The following ACADL variants were observed in gnomAD, a reference collection of about 807,000 sequenced individuals.
ACADL encodes the protein acyl-CoA dehydrogenase long chain, also known as long-chain specific acyl-CoA dehydrogenase, mitochondrial.
Under a neutral mutation model 56.9 loss-of-function variants are expected in ACADL, and 60 were observed. The observed-to-expected ratio is 1.05, with a 90% CI of 0.86 to 1.31. The LOEUF (loss-of-function observed/expected upper bound fraction) is 1.31, where lower values mean the gene tolerates loss of function less well. Among genes scored for constraint, ACADL ranks in the 50% most tolerant of loss-of-function variants. The pLI is 0.00. For missense variants in ACADL, 484 were observed against 525.5 expected, an observed-to-expected ratio of 0.92 and a Z score of 0.77; for synonymous variants, 158 against 179.7, an observed-to-expected ratio of 0.88 and a Z score of 0.97.
At chr2:210,194,108 C>T (rs1446815970) in intron 9 of ACADL, among the ~76,000 whole-genome samples, 1 of 151,976 alleles carries the variant, frequency 6.6e-6, no homozygotes, top group Admixed American at 6.6e-5. Context: ...TGTGTATAAA[C>T]CTGAGGTTTT....
chr2:210,207,796 T>C (rs1688912615), intron 5 of ACADL, among the ~76,000 whole-genome samples: 1 of 152,164 alleles, frequency 6.6e-6, no homozygotes, highest in African/African-American at 2.4e-5. Flanking sequence ...GGTGGCAGTA[T>C]GGTTATAGGT....
Position 210,195,379 on chromosome 2 carries a change from A to G in ACADL, c.985-41T>C, listed in dbSNP as rs372610619. The G allele has an allele frequency of 4.1e-5, 65 of 1,583,062 alleles. 1 individual carries two copies. The African/African-American group carries it at 6.5e-4, about 16-fold the overall frequency. ...AATAAAAGAAAAAAGTGAGCATGGT[A>G]GAAATATAAACTTCAACCCACTTAA... On this transcript the variant is annotated intron_variant, in intron 8 of 10. Transcript: ENST00000233710.
rs1243056364 is a variant in ACADL, at chr2:210,220,639, C to T, written c.233+8G>A. The T allele has an allele frequency of 6.2e-7, 1 of 1,612,018 alleles. No individual in the cohort carries two copies. Among genetic ancestry groups the T allele is most frequent in the Non-Finnish European group, 8.5e-7 (1 of 1,178,984 alleles). On this transcript the variant is annotated splice_region_variant and intron_variant, in intron 2 of 10. Coordinates refer to ENST00000233710, the MANE Select transcript of ACADL (RefSeq NM_001608.4). ...ATACATTACATTAGAGGAAAATGTGCCACTTACTCTGAGTGATGAGGAATC... is the reference window on the plus strand; with the variant it reads ...ATACATTACATTAGAGGAAAATGTGTCACTTACTCTGAGTGATGAGGAATC...
At chr2:210,220,048 G>T (rs1416508189) in intron 2 of ACADL, among the ~76,000 whole-genome samples, 1 of 151,990 alleles carries the variant, frequency 6.6e-6, no homozygotes, top group Admixed American at 6.6e-5. Context: ...ACGGTGCCGA[G>T]AATTTTTTTG....
chr2:210,217,911 G>C, intron 3 of ACADL, 54 bp downstream of exon 3: 2 of 1,593,586 alleles, frequency 1.3e-6, no homozygotes, highest in Non-Finnish European at 1.7e-6. Context: ...ATTTCAGAAA[G>C]GTGAGTGGTG....
chr2:210,200,410 A>G (rs1326477607), intron 8 of ACADL, among the ~76,000 whole-genome samples: 4 of 152,192 alleles, frequency 2.6e-5, no homozygotes, highest in Non-Finnish European at 5.9e-5. Context: ...AGGGCACTAT[A>G]CAAGTTATAC....
intron 10 of ACADL, among the ~76,000 whole-genome samples, chr2:210,189,290 A>G (rs1291202440): frequency 6.6e-6 from 1 of 152,204 alleles, no homozygotes; most frequent in Non-Finnish European, 1.5e-5. Context: ...GAGATTACAA[A>G]TTCAAAATAA....
At chr2:210,219,511 G>C (rs1039804269) in intron 2 of ACADL, among the ~76,000 whole-genome samples, 3 of 152,110 alleles carry the variant, frequency 2.0e-5, no homozygotes, top group Non-Finnish European at 2.9e-5. Context: ...TCAAAAAACA[G>C]AAGCTAGTTG....
At chr2:210,224,379 A>G (rs911715313) in intron 1 of ACADL, 1 of 985,148 alleles carries the variant, frequency 1.0e-6, no homozygotes, top group Non-Finnish European at 1.2e-6. Context: ...TAGCTCTCAA[A>G]TAAAATTAGA....
Position 210,218,285 on chromosome 2 carries a change from C to CTTTTTTTTTTTTTTTTT in ACADL, c.234-200_234-184dup, listed in dbSNP as rs35116912. ...TCACTTCTGTTCCTCCTTTTTTCTG[C>CTTTTTTTTTTTTTTTTT]TTTTTTTTTTTTTTTTTTTTGAGAC... On this transcript the variant is annotated intron_variant, in intron 2 of 10. Coordinates refer to ENST00000233710, the MANE Select transcript of ACADL (RefSeq NM_001608.4). Among the ~76,000 whole-genome samples, 5 of 95,382 alleles carry CTTTTTTTTTTTTTTTTT rather than the reference C, an allele frequency of 5.2e-5. 1 individual carries two copies. Among genetic ancestry groups the CTTTTTTTTTTTTTTTTT allele is most frequent in the Non-Finnish European group, 5.7e-5 (3 of 53,034 alleles). The allele number at this position is 95,382 out of a possible 152,430, so 62.6% of individuals were successfully genotyped here. A position where few individuals can be genotyped will look rare whatever the true frequency, so the allele number is the denominator to read the frequency against.
intron 9 of ACADL, 31 bp from the exon 10 acceptor site, chr2:210,192,921 A>G (rs779384459): frequency 1.3e-6 from 2 of 1,546,592 alleles, no homozygotes; most frequent in Non-Finnish European, 1.8e-6. Context: ...GCAGAAAAGA[A>G]ATGTTTGAAA....
chr2:210,204,145 A>C (rs1029226334), intron 7 of ACADL, among the ~76,000 whole-genome samples: 1 of 152,172 alleles, frequency 6.6e-6, no homozygotes, highest in South Asian at 2.1e-4. Context: ...TTAAAACCAT[A>C]GCTGTTTAGG....
rs777950634 is a variant in ACADL, at chr2:210,192,826, T to C, written c.1177A>G (p.Met393Val). The change falls in exon 10 of 11, where the codon ATG becomes GTG. Residue 393 changes from methionine to valine, a missense_variant. Met to Val is a conservative substitution (Grantham distance 21). Coordinates refer to ENST00000233710, the MANE Select transcript of ACADL (RefSeq NM_001608.4). Reference protein sequence around the residue: ...CVQLHGGWGYMWEYPIAKAYV... With the variant: ...CVQLHGGWGYVWEYPIAKAYV... ...TACTTTGCAATTGGGTACTCCCACA[T>C]GTATCCCCAACCTCCATGGAGCTGT... The C allele has an allele frequency of 1.2e-6, 2 of 1,613,740 alleles. No homozygotes were observed. The highest frequency in any genetic ancestry group is 1.7e-5 in the Admixed American group (1 of 60,016).
intron 2 of ACADL, among the ~76,000 whole-genome samples, chr2:210,218,762 A>T (rs1320820066): frequency 6.6e-6 from 1 of 152,202 alleles, no homozygotes; most frequent in African/African-American, 2.4e-5. Context: ...GTAAAAGGCA[A>T]TTCTCCTTGG....
At chr2:210,198,478 C>T (rs1474267974) in intron 8 of ACADL, among the ~76,000 whole-genome samples, 1 of 152,028 alleles carries the variant, frequency 6.6e-6, no homozygotes, top group Non-Finnish European at 1.5e-5. Context: ...GAATTAAGAA[C>T]ACATACCACA....
At chr2:210,205,901 ATGCTT>A (rs1688880790) in intron 5 of ACADL, 105 bp from the exon 6 acceptor site, 1 of 1,309,036 alleles carries the variant, frequency 7.6e-7, no homozygotes, top group African/African-American at 1.5e-5. Context: ...CAGACAAGAC[ATGCTT>A]GATACCTCTC....
intron 9 of ACADL, 40 bp downstream of exon 9, chr2:210,195,171 C>G (rs746107918): frequency 5.0e-6 from 8 of 1,613,224 alleles, no homozygotes; most frequent in South Asian, 4.4e-5. Context: ...CCATATCAGT[C>G]TGAGCACACA....
chr2:210,201,299 G>C (rs551703964), intron 8 of ACADL, among the ~76,000 whole-genome samples: 11 of 152,058 alleles, frequency 7.2e-5, no homozygotes, highest in Non-Finnish European at 1.5e-4. Context: ...ATGTGTCTGC[G>C]TGCCCAAATT....
At chr2:210,195,768 T>G (rs1330374021) in intron 8 of ACADL, among the ~76,000 whole-genome samples, 1 of 152,146 alleles carries the variant, frequency 6.6e-6, no homozygotes, top group Non-Finnish European at 1.5e-5. Context: ...AGTATACAGA[T>G]TTTGCTACTC....
Sources: allele counts gnomAD v4.1 joint callset (sites outside exome capture counted in the v4.1 genomes callset), GRCh38; gene constraint gnomAD v4.1.1; transcripts MANE v1.5; gene names NCBI Gene and HGNC (gene_info 2026-07-23, HGNC 2026-07-21).